Variants in CDH17 observed in about 807,000 individuals in gnomAD.
CDH17 encodes cadherin-17.
In CDH17, 67 loss-of-function variants were observed where a neutral mutation model predicts 86.3. The ratio of observed to expected loss-of-function variants is 0.78; its 90% CI spans 0.64 to 0.95. The LOEUF (loss-of-function observed/expected upper bound fraction) is 0.95, where lower values mean the gene tolerates loss of function less well. Ranked by LOEUF, CDH17 falls within the 40% of genes least tolerant of loss-of-function variation. The probability of loss-of-function intolerance (pLI) is 0.00; values close to 1 mark genes in which losing one functional copy is unlikely to be tolerated. For synonymous variants in CDH17, 367 were observed against 366.4 expected (o/e 1.00, Z -0.02); for missense variants, 993 against 1,017.6 (o/e 0.98, Z 0.33).
chr8:94,156,845 A>G (rs1233502782), intron 12 of CDH17, among the ~76,000 whole-genome samples: 1 of 152,220 alleles, frequency 6.6e-6, no homozygotes, highest in Non-Finnish European at 1.5e-5. Flanking sequence ...TTTGCATTTA[A>G]TTCTTCAACA....
chr8:94,150,802 TTAAA>T (rs1415294301), intron 13 of CDH17, among the ~76,000 whole-genome samples: 2 of 152,240 alleles, frequency 1.3e-5, no homozygotes, highest in African/African-American at 4.8e-5. Context: ...GGAACTTTTG[TTAAA>T]TAAATGGTAT....
At chr8:94,175,083 G>A (rs925620191) in intron 5 of CDH17, among the ~76,000 whole-genome samples, 2 of 152,148 alleles carry the variant, frequency 1.3e-5, no homozygotes, top group Non-Finnish European at 2.9e-5. Flanking sequence ...CATGGTAGGA[G>A]TATTTGCAAC....
intron 3 of CDH17, among the ~76,000 whole-genome samples, chr8:94,180,169 G>T (rs1189809499): frequency 6.6e-6 from 1 of 151,964 alleles, no homozygotes; most frequent in East Asian, 1.9e-4. Context: ...TCATAAGAGG[G>T]TGTTCAAAAG....
chr8:94,173,293 C>T (rs955026059), intron 7 of CDH17, among the ~76,000 whole-genome samples: 1 of 152,112 alleles, frequency 6.6e-6, no homozygotes, highest in Non-Finnish European at 1.5e-5. Context: ...GCAGATCCCT[C>T]GTGAATGGCT....
intron 12 of CDH17, among the ~76,000 whole-genome samples, chr8:94,155,941 A>G (rs1400815634): frequency 6.6e-6 from 1 of 152,212 alleles, no homozygotes; most frequent in Non-Finnish European, 1.5e-5. Context: ...ATCATTATAA[A>G]CGGAAGATGC....
At chr8:94,215,943 A>G (rs1190705934) in intron 1 of CDH17, among the ~76,000 whole-genome samples, 4 of 151,552 alleles carry the variant, frequency 2.6e-5, no homozygotes, top group Non-Finnish European at 4.4e-5. Context: ...GAATAAGAAC[A>G]TTTCAGTACA....
In CDH17 at chr8:94,145,945, T is replaced by C; in HGVS notation, c.2150A>G (p.Glu717Gly). Residue 717 changes from glutamate to glycine, a missense_variant, in exon 15 of 18, where the codon GAA becomes GGA. Coordinates refer to ENST00000027335, the MANE Select transcript of CDH17 (RefSeq NM_004063.4). ...LGSGSLQNDWEVSKINGTHAR... is the reference protein window; with the variant it reads ...LGSGSLQNDWGVSKINGTHAR... Reference sequence around the variant, plus strand: ...CAACTCACCATTGATTTTGGAAACTTCCCAGTCGTTTTGTAAGCTTCCACT... The same window carrying C: ...CAACTCACCATTGATTTTGGAAACTCCCCAGTCGTTTTGTAAGCTTCCACT... 6.2e-7 allele frequency: 1 copy of C among 1,613,064 alleles called. No homozygotes were observed. Among genetic ancestry groups the C allele is most frequent in the Non-Finnish European group, 8.5e-7 (1 of 1,179,642 alleles).
chr8:94,165,999 A>G (rs1433818028), intron 9 of CDH17, 23 bp from the exon 10 acceptor site: 1 of 1,449,198 alleles, frequency 6.9e-7, no homozygotes. Flanking sequence ...AAAGAAGGAA[A>G]ACCCACCATT....
chr8:94,207,400 T>C (rs911023471), intron 1 of CDH17, among the ~76,000 whole-genome samples: 1 of 152,170 alleles, frequency 6.6e-6, no homozygotes, highest in African/African-American at 2.4e-5. Context: ...CACAACTACC[T>C]AGTTAGGCAA....
chr8:94,166,629 C>T (rs78498575), intron 9 of CDH17, among the ~76,000 whole-genome samples: 62 of 152,258 alleles, frequency 4.1e-4, no homozygotes, highest in African/African-American at 1.4e-3. Flanking sequence ...AGAACCTGAG[C>T]ATGGGACTCA....
At chr8:94,198,683 T>G (rs1813832703) in intron 1 of CDH17, among the ~76,000 whole-genome samples, 1 of 152,164 alleles carries the variant, frequency 6.6e-6, no homozygotes, top group East Asian at 1.9e-4. Context: ...TCCACCCAGA[T>G]GGACTTTGCA....
chr8:94,202,777 C>A, intron 1 of CDH17: 1 of 162,676 alleles, frequency 6.1e-6, no homozygotes, highest in Non-Finnish European at 1.3e-5. Flanking sequence ...CAGGCATCAC[C>A]ATTCTTGTCA....
intron 12 of CDH17, among the ~76,000 whole-genome samples, chr8:94,152,956 C>T (rs1345655296): frequency 6.6e-6 from 1 of 152,220 alleles, no homozygotes; most frequent in Admixed American, 6.5e-5. Flanking sequence ...GCGTGAGCCA[C>T]TATGCCCAGC....
intron 1 of CDH17, among the ~76,000 whole-genome samples, chr8:94,197,821 A>T (rs1458382473): frequency 3.6e-5 from 5 of 138,020 alleles, no homozygotes; most frequent in Admixed American, 2.9e-4. Context: ...ATGGAACGAG[A>T]CTCTGTCTAA....
intron 1 of CDH17, among the ~76,000 whole-genome samples, chr8:94,199,064 TATATATATATATATATATA>T (rs1441562806): frequency 0.14 from 3,922 of 27,434 alleles, 113 homozygotes; most frequent in Middle Eastern, 0.29. Flanking sequence ...TATATATATA[TATATATATATATATATATA>T]TTTTTTTTTT....
chr8:94,187,637 C>A (rs547058130), intron 3 of CDH17, among the ~76,000 whole-genome samples: 31 of 151,960 alleles, frequency 2.0e-4, no homozygotes, highest in Non-Finnish European at 3.8e-4. Flanking sequence ...GAGAAAAACT[C>A]AAGATCCTTA....
At chr8:94,186,298 C>A (rs186164933) in intron 3 of CDH17, among the ~76,000 whole-genome samples, 1,524 of 152,290 alleles carry the variant, frequency 0.01, 10 homozygotes, top group Non-Finnish European at 0.014. Flanking sequence ...CCCAGTCAAG[C>A]AAGCCAGAGA....
intron 9 of CDH17, among the ~76,000 whole-genome samples, chr8:94,168,594 A>T (rs1813211460): frequency 1.3e-5 from 2 of 152,174 alleles, no homozygotes; most frequent in African/African-American, 4.8e-5. Flanking sequence ...TTGATTTATA[A>T]GAATTCTTGG....
chr8:94,180,342 A>T (rs898375009), intron 3 of CDH17, among the ~76,000 whole-genome samples: 1 of 152,144 alleles, frequency 6.6e-6, no homozygotes, highest in Non-Finnish European at 1.5e-5. Flanking sequence ...AAGGAAAGGA[A>T]AAAGGGGGAA....
Sources: gnomAD v4.1 joint callset for allele counts (sites outside exome capture counted in the v4.1 genomes callset) on GRCh38, gnomAD v4.1.1 for gene constraint, MANE v1.5 for transcripts, NCBI Gene and HGNC (gene_info 2026-07-23, HGNC 2026-07-21) for gene names.